The following HMCN1 variants were observed in gnomAD, a reference collection of about 807,000 sequenced individuals.
HMCN1 encodes hemicentin 1.
Under a neutral mutation model 625.9 loss-of-function variants are expected in HMCN1, and 321 were observed. The observed-to-expected ratio is 0.51, with a 90% CI of 0.47 to 0.56. The LOEUF is 0.56. Ranked by LOEUF, HMCN1 falls within the 20% of genes least tolerant of loss-of-function variation. The probability of loss-of-function intolerance (pLI) is 0.00; values close to 1 mark genes in which losing one functional copy is unlikely to be tolerated. For synonymous variants in HMCN1, 2,425 were observed against 2,417.6 expected, an observed-to-expected ratio of 1.00 and a Z score of -0.09; for missense variants, 6,588 against 6,887.3, an observed-to-expected ratio of 0.96 and a Z score of 1.54.
intron 74 of HMCN1, 132 bp downstream of exon 74, chr1:186,115,078 C>T: frequency 7.0e-7 from 1 of 1,436,850 alleles, no homozygotes; most frequent in East Asian, 2.3e-5. Context: ...GAATAGCAAG[C>T]CCCAAGTTTT....
chr1:186,108,955 T>A (rs1405966203), intron 71 of HMCN1, among the ~76,000 whole-genome samples: 1 of 152,190 alleles, frequency 6.6e-6, no homozygotes, highest in African/African-American at 2.4e-5. Context: ...CTTCCACGTC[T>A]CTAGGGAGAA....
At chr1:185,987,106 G>A (rs1338281142) in intron 19 of HMCN1, among the ~76,000 whole-genome samples, 2 of 151,096 alleles carry the variant, frequency 1.3e-5, no homozygotes, top group Non-Finnish European at 2.9e-5. Flanking sequence ...GTAGCTCTTA[G>A]AGTGCAATTC....
intron 1 of HMCN1, among the ~76,000 whole-genome samples, chr1:185,787,980 C>T (rs1012947271): frequency 2.0e-5 from 3 of 152,130 alleles, no homozygotes; most frequent in Non-Finnish European, 4.4e-5. Context: ...TTATCTTCCA[C>T]CCATCCATCC....
chr1:185,953,223 G>T (rs990520233), intron 11 of HMCN1, among the ~76,000 whole-genome samples: 3 of 151,398 alleles, frequency 2.0e-5, no homozygotes, highest in African/African-American at 7.3e-5. Context: ...TGGGATACTT[G>T]CCATTTCCCC....
At chr1:186,188,897 T>C (rs938363687) in intron 106 of HMCN1, among the ~76,000 whole-genome samples, 2 of 152,318 alleles carry the variant, frequency 1.3e-5, no homozygotes, top group Non-Finnish European at 2.9e-5. Flanking sequence ...GTGCATTTTT[T>C]CCCTTCTTTA....
chr1:185,973,918 T>TAAAA (rs1651013762), intron 15 of HMCN1, among the ~76,000 whole-genome samples: 2 of 152,162 alleles, frequency 1.3e-5, no homozygotes, highest in South Asian at 2.1e-4. Flanking sequence ...GTCCAGTCAT[T>TAAAA]TTAGGAAAGA....
At chr1:185,987,343 G>A in intron 19 of HMCN1, 89 bp from the exon 20 acceptor site, 1 of 820,232 alleles carries the variant, frequency 1.2e-6, no homozygotes, top group Non-Finnish European at 2.2e-6. Flanking sequence ...TACAAACATT[G>A]ATGTTGTAAT....
chr1:185,829,527 T>A (rs1660728183), intron 1 of HMCN1, among the ~76,000 whole-genome samples: 1 of 152,116 alleles, frequency 6.6e-6, no homozygotes, highest in South Asian at 2.1e-4. Context: ...TCTATTCCTG[T>A]GTTAGTTTGC....
At chr1:186,136,533 A>C (rs1251428146) in intron 86 of HMCN1, 135 bp from the exon 87 acceptor site, 2 of 780,380 alleles carry the variant, frequency 2.6e-6, no homozygotes, top group Non-Finnish European at 4.3e-6. Flanking sequence ...ATAATCTATA[A>C]TCTTAGTTGG....
chr1:186,007,859 A>T (rs1368286593), intron 30 of HMCN1, among the ~76,000 whole-genome samples: 1 of 152,110 alleles, frequency 6.6e-6, no homozygotes, highest in African/African-American at 2.4e-5. Flanking sequence ...GTGGAGCCAT[A>T]GGTAGGCACA....
rs140838993 is a variant in HMCN1, at chr1:186,017,118, G to A, written c.5300+47G>A. 2.6e-5 allele frequency: 24 copies of A among 931,028 alleles called. No individual in the cohort carries two copies. The East Asian group carries it at 5.5e-4, about 21-fold the overall frequency. The allele number at this position is 931,028 out of a possible 1,614,324, so 57.7% of individuals were successfully genotyped here. A position where few individuals can be genotyped will look rare whatever the true frequency, so the allele number is the denominator to read the frequency against. On this transcript the variant is annotated intron_variant, in intron 33 of 106. Coordinates refer to ENST00000271588, the MANE Select transcript of HMCN1 (RefSeq NM_031935.3). Reference sequence around the variant, plus strand: ...CTAAATACCTCCTGCTTTTTGTTTTGAGTGTTTTAGAGCTATCTTGAAAGC... The same window carrying A: ...CTAAATACCTCCTGCTTTTTGTTTTAAGTGTTTTAGAGCTATCTTGAAAGC...
chr1:186,052,172 G>A (rs1367842592), intron 42 of HMCN1, among the ~76,000 whole-genome samples: 7 of 151,800 alleles, frequency 4.6e-5, no homozygotes, highest in Non-Finnish European at 1.5e-5. Flanking sequence ...GAAATAAATT[G>A]GTTATATGAG....
intron 1 of HMCN1, 117 bp from the exon 2 acceptor site, chr1:185,845,909 T>C (rs1661782599): frequency 2.9e-6 from 2 of 701,004 alleles, no homozygotes; most frequent in Admixed American, 4.2e-5. Context: ...GGTATTTTAC[T>C]ATTTCTTATT....
At chr1:185,876,506 G>GTGCTAATT (rs1399301888) in intron 4 of HMCN1, among the ~76,000 whole-genome samples, 8 of 152,030 alleles carry the variant, frequency 5.3e-5, no homozygotes, top group Non-Finnish European at 1.2e-4. Context: ...TGTAGAAGTT[G>GTGCTAATT]TGCTAATTTA....
intron 40 of HMCN1, among the ~76,000 whole-genome samples, chr1:186,041,570 G>A (rs533579515): frequency 1.6e-4 from 25 of 152,222 alleles, no homozygotes; most frequent in East Asian, 1.9e-4. Flanking sequence ...TCTTTGAGAA[G>A]CAAAAAGTTA....
At chr1:185,932,705 A>AC (rs1667612821) in intron 10 of HMCN1, among the ~76,000 whole-genome samples, 1 of 151,664 alleles carries the variant, frequency 6.6e-6, no homozygotes, top group African/African-American at 2.4e-5. Flanking sequence ...AACATCACAC[A>AC]CCAGGGCCTG....
chr1:186,170,676 G>A (rs1652170740), intron 100 of HMCN1, among the ~76,000 whole-genome samples: 1 of 152,062 alleles, frequency 6.6e-6, no homozygotes, highest in African/African-American at 2.4e-5. Context: ...GCTCAAATAG[G>A]GGGACTTTTC....
chr1:185,755,573 T>G lies in HMCN1; in HGVS notation c.268+20526T>G, dbSNP rs765114787. On this transcript the variant is annotated intron_variant, in intron 1 of 106. Coordinates refer to ENST00000271588, the MANE Select transcript of HMCN1 (RefSeq NM_031935.3). The stretch of plus-strand genomic sequence containing the variant: ...CACTGGGAGACCCTTGTGAGCTGCT[T>G]GGACATTCCTATATGAAGCTGGGGA... Among the ~76,000 whole-genome samples the G allele has an allele frequency of 4.4e-4, 67 of 152,182 alleles. 1 individual carries two copies. Among genetic ancestry groups the G allele is most frequent in the Non-Finnish European group, 8.8e-5 (6 of 68,036 alleles).
intron 95 of HMCN1, 84 bp from the exon 96 acceptor site, chr1:186,152,666 G>GA (rs1650748060): frequency 6.5e-7 from 1 of 1,547,300 alleles, no homozygotes; most frequent in Non-Finnish European, 8.9e-7. Context: ...AAGCATAGCT[G>GA]AACTGGTATG....
Sources: gnomAD v4.1 joint callset for allele counts (sites outside exome capture counted in the v4.1 genomes callset) on GRCh38, gnomAD v4.1.1 for gene constraint, MANE v1.5 for transcripts, NCBI Gene and HGNC (gene_info 2026-07-23, HGNC 2026-07-21) for gene names.